The following RIT1 variants were observed in gnomAD, a reference collection of about 807,000 sequenced individuals.
The protein encoded by RIT1 is Ras like without CAAX 1, also known as GTP-binding protein Rit1.
Under a neutral mutation model 25.6 loss-of-function variants are expected in RIT1, and 6 were observed. The observed-to-expected ratio is 0.23, with a 90% confidence interval of 0.13 to 0.46. The LOEUF (loss-of-function observed/expected upper bound fraction) is 0.46, where lower values mean the gene tolerates loss of function less well. RIT1 is among the 20% of genes least tolerant of loss of function. The pLI, the probability that RIT1 is intolerant of heterozygous loss-of-function variation, is 0.99. For synonymous variants in RIT1, 81 were observed against 94.1 expected (o/e 0.86, Z 0.80); for missense variants, 219 against 284.4 (o/e 0.77, Z 1.65).
Position 155,904,728 on chromosome 1 carries a change from T to C in RIT1, c.237+3A>G. Reference sequence around the variant, plus strand: ...TTACTCATAACATTCTGGGATTTAATACCTGTCCAGCTGTATCCAAAATGT... The same window carrying C: ...TTACTCATAACATTCTGGGATTTAACACCTGTCCAGCTGTATCCAAAATGT... On this transcript the variant is annotated splice_donor_region_variant and intron_variant, in intron 4 of 5. Transcript: ENST00000368323. The C allele has an allele frequency of 6.2e-7, 1 of 1,604,644 alleles. No individual in the cohort carries two copies. The highest frequency in any genetic ancestry group is 8.5e-7 in the Non-Finnish European group (1 of 1,171,430).
chr1:155,902,060 T>C (rs1375211245), intron 5 of RIT1, among the ~76,000 whole-genome samples: 4 of 152,340 alleles, frequency 2.6e-5, no homozygotes, highest in South Asian at 4.1e-4. Context: ...TTTGGAGTTG[T>C]TGCCTTACTT....
chr1:155,910,380 G>T (rs879530864), intron 3 of RIT1, 70 bp downstream of exon 3: 7 of 1,305,796 alleles, frequency 5.4e-6, no homozygotes, highest in Non-Finnish European at 7.7e-6. Flanking sequence ...TAAATAGTTA[G>T]AAACTACTGA....
At chr1:155,909,230 T>C (rs1255553623) in intron 3 of RIT1, among the ~76,000 whole-genome samples, 1 of 151,532 alleles carries the variant, frequency 6.6e-6, no homozygotes. Flanking sequence ...AAAAAAAAAT[T>C]AGCCGGGCTT....
intron 5 of RIT1, among the ~76,000 whole-genome samples, chr1:155,902,814 G>A (rs976793553): frequency 1.3e-4 from 20 of 152,020 alleles, no homozygotes; most frequent in African/African-American, 4.3e-4. Context: ...CTGCACTCCA[G>A]CCTGGGCAAC....
rs954850263 is a variant in RIT1 at position 155,899,532 on chromosome 1, G to A, written c.*856C>T. 11 of 223,686 alleles carry A rather than the reference G, an allele frequency of 4.9e-5. No homozygotes were observed. The highest frequency in any genetic ancestry group is 6.7e-5 in the African/African-American group (3 of 44,710). 13.9% of individuals were successfully genotyped at this position (223,686 alleles called of 1,614,324 possible). On this transcript the variant is annotated 3_prime_UTR_variant, in exon 6 of 6. Transcript: ENST00000368323. ...TGAATATAAATGTGTTGGTGTGTGC[G>A]TCTGTGGGGAAAAAATAAACCTGTA...
rs147426122 is a variant in RIT1, at chr1:155,906,927, G to A, written c.164-2123C>T. 3.6e-3 allele frequency among the ~76,000 whole-genome samples: 549 copies of A among 152,020 alleles called. 3 individuals are homozygous for A. Among genetic ancestry groups the A allele is most frequent in the African/African-American group, 0.013 (524 of 41,480 alleles). The stretch of plus-strand genomic sequence containing the variant: ...TTGAGACCAGCCTGGGCAATAGAGC[G>A]AGACCTCATCTCTACTAAAAATCCA... On this transcript the variant is annotated intron_variant, in intron 3 of 5. Transcript: ENST00000368323.
rs1000604723 is a variant in RIT1, at chr1:155,898,557, A to G, written c.*1831T>C. ...TATATATATATATCTCTTAATGTTA[A>G]TAACAATTCCCTAGGTCACTAGTAA... On this transcript the variant is annotated 3_prime_UTR_variant, in exon 6 of 6. Coordinates refer to ENST00000368323, the MANE Select transcript of RIT1 (RefSeq NM_006912.6). The G allele has an allele frequency of 1.3e-5, 2 of 148,796 alleles. No homozygotes were observed. The highest frequency in any genetic ancestry group is 2.2e-4 in the South Asian group (1 of 4,530). The allele number at this position is 148,796 out of a possible 1,614,324, so 9.2% of individuals were successfully genotyped here. A position where few individuals can be genotyped will look rare whatever the true frequency, so the allele number is the denominator to read the frequency against.
At chr1:155,904,670 C>T (rs1673397281) in intron 4 of RIT1, 61 bp downstream of exon 4, 1 of 1,331,608 alleles carries the variant, frequency 7.5e-7, no homozygotes, top group African/African-American at 1.4e-5. Context: ...CTGTGTAGGC[C>T]TTCCCCTCCC....
rs529429988 is a variant in RIT1, at chr1:155,899,644, T to TG, written c.*743_*744insC. The stretch of plus-strand genomic sequence containing the variant: ...TTCCCAAAATGTCTACCTTTGAAGG[T>TG]AAAAAAAAAAAGAAAACCCTGAAAT... On this transcript the variant is annotated 3_prime_UTR_variant, in exon 6 of 6. Coordinates refer to ENST00000368323, the MANE Select transcript of RIT1 (RefSeq NM_006912.6). 2.0e-5 allele frequency: 4 copies of TG among 202,282 alleles called. No homozygotes were observed. Among genetic ancestry groups the TG allele is most frequent in the Non-Finnish European group, 3.0e-5 (3 of 101,590 alleles). The allele number at this position is 202,282 out of a possible 1,614,324, so 12.5% of individuals were successfully genotyped here.
At chr1:155,910,370 T>C in intron 3 of RIT1, 80 bp downstream of exon 3, 18 of 1,256,078 alleles carry the variant, frequency 1.4e-5, no homozygotes, top group Non-Finnish European at 2.1e-5. Context: ...CCTCAAAATA[T>C]AAATAGTTAG....
chr1:155,910,869 G>A (rs761779370), intron 1 of RIT1, 65 bp from the exon 2 acceptor site: 27 of 1,593,948 alleles, frequency 1.7e-5, no homozygotes, highest in Non-Finnish European at 2.3e-5. Flanking sequence ...CCTCAAGCCA[G>A]TGCCTTACCT....
At chr1:155,911,122 T>G in intron 1 of RIT1, 121 bp downstream of exon 1, 1 of 573,308 alleles carries the variant, frequency 1.7e-6, no homozygotes, top group Non-Finnish European at 3.0e-6. Flanking sequence ...TGCGGCCCCT[T>G]AGGCCGCAGG....
chr1:155,900,644 A>G (rs1301029812), intron 5 of RIT1, 26 bp from the exon 6 acceptor site: 12 of 1,586,494 alleles, frequency 7.6e-6, no homozygotes, highest in African/African-American at 4.0e-5. Context: ...GTGAGAAAAG[A>G]TAACAGTGAA....
At chr1:155,907,082 T>C (rs905462196) in intron 3 of RIT1, among the ~76,000 whole-genome samples, 20 of 151,778 alleles carry the variant, frequency 1.3e-4, no homozygotes, top group African/African-American at 4.4e-4. Flanking sequence ...CACTCCAGCA[T>C]GGGCAACAGA....
In RIT1 at chr1:155,900,307, G is replaced by A. The variant is rs1434381572; in HGVS notation, c.*81C>T. On this transcript the variant is annotated 3_prime_UTR_variant, in exon 6 of 6. Coordinates refer to ENST00000368323, the MANE Select transcript of RIT1 (RefSeq NM_006912.6). ...TCTTATCAGTTAAGTGAAAGAGCAA[G>A]CACCATACTCAGTACTGCAGGTTAC... 2 of 950,796 alleles carry A rather than the reference G, an allele frequency of 2.1e-6. No homozygotes were observed. The highest frequency in any genetic ancestry group is 3.3e-5 in the African/African-American group (2 of 61,462). The allele number at this position is 950,796 out of a possible 1,614,324, so 58.9% of individuals were successfully genotyped here. A position where few individuals can be genotyped will look rare whatever the true frequency, so the allele number is the denominator to read the frequency against.
chr1:155,900,313 T>A lies in RIT1; in HGVS notation c.*75A>T, dbSNP rs1296063192. On this transcript the variant is annotated 3_prime_UTR_variant, in exon 6 of 6. Transcript: ENST00000368323. ...CAGTTAAGTGAAAGAGCAAGCACCA[T>A]ACTCAGTACTGCAGGTTACTGGACT... 3 of 1,010,202 alleles carry A rather than the reference T, an allele frequency of 3.0e-6. No individual in the cohort carries two copies. The Admixed American group carries it at 5.6e-5, about 19-fold the overall frequency. The allele number at this position is 1,010,202 out of a possible 1,614,324, so 62.6% of individuals were successfully genotyped here. A position where few individuals can be genotyped will look rare whatever the true frequency, so the allele number is the denominator to read the frequency against.
intron 5 of RIT1, among the ~76,000 whole-genome samples, chr1:155,901,414 G>C (rs2102581832): frequency 6.6e-6 from 1 of 152,166 alleles, no homozygotes; most frequent in African/African-American, 2.4e-5. Flanking sequence ...GGCTGAGGCA[G>C]GTGGATCACT....
chr1:155,902,129 A>T (rs1235950966), intron 5 of RIT1, among the ~76,000 whole-genome samples: 3 of 152,184 alleles, frequency 2.0e-5, no homozygotes, highest in African/African-American at 7.2e-5. Context: ...GGGAAAAAAC[A>T]AACATGTTAC....
At chr1:155,908,380 G>A (rs1332285492) in intron 3 of RIT1, among the ~76,000 whole-genome samples, 6 of 150,360 alleles carry the variant, frequency 4.0e-5, no homozygotes, top group African/African-American at 1.2e-4. Context: ...GCGTGAACCC[G>A]GGAGGCGGAG....
Sources: allele counts gnomAD v4.1 joint callset (sites outside exome capture counted in the v4.1 genomes callset), GRCh38; gene constraint gnomAD v4.1.1; transcripts MANE v1.5; gene names NCBI Gene and HGNC (gene_info 2026-07-23, HGNC 2026-07-21).